Variants in DAG1 observed in about 807,000 individuals in gnomAD.
The protein encoded by DAG1 is dystroglycan 1 (dystrophin-associated glycoprotein 1).
DAG1 carries 8 observed loss-of-function variants against 46.1 expected under a neutral mutation model. That is an observed-to-expected ratio of 0.17 (90% confidence interval 0.10 to 0.31). The LOEUF is 0.31. Ranked by LOEUF, DAG1 falls within the 10% of genes least tolerant of loss-of-function variation. The probability of loss-of-function intolerance (pLI) is 1.00; values close to 1 mark genes in which losing one functional copy is unlikely to be tolerated. For synonymous variants in DAG1, 495 were observed against 481.8 expected, an observed-to-expected ratio of 1.03 and a Z score of -0.36; for missense variants, 1,003 against 1,189.9, an observed-to-expected ratio of 0.84 and a Z score of 2.31.
rs952005065 is a variant in DAG1, at chr3:49,533,109, A to G, written c.2598A>G (p.Pro866=). 3 of 1,613,716 alleles carry G rather than the reference A, an allele frequency of 1.9e-6. No homozygotes were observed. Among genetic ancestry groups the G allele is most frequent in the Non-Finnish European group, 2.5e-6 (3 of 1,179,922 alleles). The change falls in exon 3 of 3, where the codon CCA becomes CCG. Residue 866 remains proline (P), a synonymous_variant. Coordinates refer to ENST00000308775, the MANE Select transcript of DAG1 (RefSeq NM_004393.6). ...EDPNAPPYQP[P]PPFTAPMEGK... ...CCAATGCGCCTCCCTACCAGCCCCCACCGCCCTTCACAGCACCCATGGAGG... is the reference window on the plus strand; with the variant it reads ...CCAATGCGCCTCCCTACCAGCCCCCGCCGCCCTTCACAGCACCCATGGAGG...
intron 1 of DAG1, among the ~76,000 whole-genome samples, chr3:49,497,383 G>A (rs2050341723): frequency 6.7e-6 from 1 of 149,648 alleles, no homozygotes; most frequent in Non-Finnish European, 1.5e-5. Flanking sequence ...GTTGCAGTGA[G>A]CCGAGATTGT....
chr3:49,492,394 C>G (rs1432941121), intron 1 of DAG1, among the ~76,000 whole-genome samples: 2 of 152,120 alleles, frequency 1.3e-5, no homozygotes, highest in Admixed American at 6.6e-5. Context: ...TGCCTGTAAT[C>G]CCAGCATTTT....
At chr3:49,477,319 CTCTG>C (rs1316743672) in intron 1 of DAG1, among the ~76,000 whole-genome samples, 1 of 151,944 alleles carries the variant, frequency 6.6e-6, no homozygotes, top group Non-Finnish European at 1.5e-5. Context: ...GAGACAGGAT[CTCTG>C]TCTGTCACCC....
intron 1 of DAG1, among the ~76,000 whole-genome samples, chr3:49,478,324 C>G (rs1367068174): frequency 1.4e-5 from 2 of 146,648 alleles, no homozygotes; most frequent in Admixed American, 6.9e-5. Context: ...AAAAGGAGCC[C>G]GATCTCATGC....
chr3:49,478,776 A>G lies in DAG1; in HGVS notation c.-117+8343A>G, dbSNP rs919651911. Reference sequence around the variant, plus strand: ...AGACCCTGGCTCAAAAAATAAAAAAATGAAAAGTCTCTTGTCGTCCCCTCC... The same window carrying G: ...AGACCCTGGCTCAAAAAATAAAAAAGTGAAAAGTCTCTTGTCGTCCCCTCC... On this transcript the variant is annotated intron_variant, in intron 1 of 2. Transcript: ENST00000308775. Among the ~76,000 whole-genome samples, 15 of 145,192 alleles carry G rather than the reference A, an allele frequency of 1.0e-4. No homozygotes were observed. In the Admixed American group the frequency reaches 1.1e-3, roughly 10 times the overall value.
intron 1 of DAG1, among the ~76,000 whole-genome samples, chr3:49,479,610 G>C (rs1340233857): frequency 7.1e-6 from 1 of 140,588 alleles, no homozygotes; most frequent in East Asian, 2.1e-4. Flanking sequence ...CCCCTGCGCC[G>C]GCCTGAATAT....
intron 2 of DAG1, among the ~76,000 whole-genome samples, chr3:49,520,098 C>T (rs1167902770): frequency 6.6e-6 from 1 of 152,164 alleles, no homozygotes; most frequent in Non-Finnish European, 1.5e-5. Context: ...GCCGCATGTA[C>T]TTAACTTCCC....
In DAG1 at chr3:49,504,489, G is replaced by C. The variant is rs1346317050; in HGVS notation, c.-116-5930G>C. Reference sequence around the variant, plus strand: ...TGCATTGTTGTCAAAAATCACTTGGGTATATTTGTGTATGTCTATTTCTGG... The same window carrying C: ...TGCATTGTTGTCAAAAATCACTTGGCTATATTTGTGTATGTCTATTTCTGG... On this transcript the variant is annotated intron_variant, in intron 1 of 2. Coordinates refer to ENST00000308775, the MANE Select transcript of DAG1 (RefSeq NM_004393.6). Among the ~76,000 whole-genome samples the C allele has an allele frequency of 2.0e-5, 3 of 149,626 alleles. No individual in the cohort carries two copies. The South Asian group carries it at 6.3e-4, about 31-fold the overall frequency.
At chr3:49,480,169 G>T (rs1172497917) in intron 1 of DAG1, among the ~76,000 whole-genome samples, 2 of 143,498 alleles carry the variant, frequency 1.4e-5, no homozygotes, top group African/African-American at 5.2e-5. Context: ...GGTCAGGCTG[G>T]TCTCGAACTC....
chr3:49,522,323 C>T lies in DAG1; in HGVS notation c.286-8474C>T, dbSNP rs189420607. Among the ~76,000 whole-genome samples, 271 of 152,184 alleles carry T rather than the reference C, an allele frequency of 1.8e-3. 1 individual carries two copies. The highest frequency in any genetic ancestry group is 6.0e-3 in the African/African-American group (250 of 41,524). ...CTGGGATTACAGGCGTGAGCCACTG[C>T]GCCTGGCTTTTTTTTGTATTTTTAG... On this transcript the variant is annotated intron_variant, in intron 2 of 2. Coordinates refer to ENST00000308775, the MANE Select transcript of DAG1 (RefSeq NM_004393.6).
At chr3:49,485,556 AAAT>A (rs1284625786) in intron 1 of DAG1, among the ~76,000 whole-genome samples, 1 of 152,122 alleles carries the variant, frequency 6.6e-6, no homozygotes, top group African/African-American at 2.4e-5. Context: ...TCATTTTTGT[AAAT>A]AAATAATTTT....
Position 49,530,896 on chromosome 3 carries a change from C to A in DAG1, c.385C>A (p.His129Asn). 1 of 1,614,122 alleles carries A rather than the reference C, an allele frequency of 6.2e-7. No individual in the cohort carries two copies. The highest frequency in any genetic ancestry group is 8.5e-7 in the Non-Finnish European group (1 of 1,180,000). The change falls in exon 3 of 3, where the codon CAT (histidine) becomes AAT (asparagine). Residue 129 changes from histidine (H) to asparagine (N), a missense_variant. Around this residue, in one of 3 missense-constraint regions of DAG1, gnomAD observed 196 missense variants for 239.1 expected, o/e 0.82. Coordinates refer to ENST00000308775, the MANE Select transcript of DAG1 (RefSeq NM_004393.6). ...GLPLDTDKGVHYISVSATRLG... is the reference protein window; with the variant it reads ...GLPLDTDKGVNYISVSATRLG... ...CCCCCTTGACACTGATAAGGGTGTG[C>A]ATTACATTTCAGTGAGCGCTACACG... is the stretch of plus-strand genomic sequence containing the variant.
At chr3:49,482,374 G>A (rs1559549087) in intron 1 of DAG1, among the ~76,000 whole-genome samples, 4 of 152,182 alleles carry the variant, frequency 2.6e-5, no homozygotes, top group Non-Finnish European at 5.9e-5. Context: ...GCCGCTTGCA[G>A]TTGAGATAGA....
intron 1 of DAG1, chr3:49,492,872 T>C (rs1385834559): frequency 6.6e-6 from 1 of 151,962 alleles, no homozygotes; most frequent in Non-Finnish European, 1.5e-5. Context: ...CAGGCATGGA[T>C]TGACTCCTAC....
intron 2 of DAG1, among the ~76,000 whole-genome samples, chr3:49,526,806 C>G (rs2051184464): frequency 6.6e-6 from 1 of 152,206 alleles, no homozygotes; most frequent in South Asian, 2.1e-4. Context: ...TCTCCCATCT[C>G]CCAATTTGAA....
In DAG1 at chr3:49,532,877, C is replaced by T. The variant is rs1426926145; in HGVS notation, c.2366C>T (p.Ala789Val). 6 of 1,613,970 alleles carry T rather than the reference C, an allele frequency of 3.7e-6. No homozygotes were observed. The highest frequency in any genetic ancestry group is 5.1e-6 in the Non-Finnish European group (6 of 1,180,028). ...GGCAAGCTTACCCTTGAGGACCAGGCCACCTTCATCAAGAAGGGGGTGCCT... is the reference window on the plus strand; with the variant it reads ...GGCAAGCTTACCCTTGAGGACCAGGTCACCTTCATCAAGAAGGGGGTGCCT... Reference protein sequence around the residue: ...RKGKLTLEDQATFIKKGVPII... With the variant: ...RKGKLTLEDQVTFIKKGVPII... The change falls in exon 3 of 3, where the codon GCC becomes GTC. Residue 789 changes from alanine (A) to valine (V), a missense_variant. Transcript: ENST00000308775. This position sits in a 1 kb window ranked among gnomAD's most constrained non-coding sequence, Gnocchi z 5.4.
rs191509656 is a variant in DAG1 at position 49,514,551 on chromosome 3, A to G, written c.285+3732A>G. On this transcript the variant is annotated intron_variant, in intron 2 of 2. Transcript: ENST00000308775. ...AGTGGCACAGTCCCGGCTCACTGCA[A>G]CCTCCACCTCCCGGGTTCAAATGAT... Among the ~76,000 whole-genome samples, 417 of 152,034 alleles carry G rather than the reference A, an allele frequency of 2.7e-3. 4 individuals are homozygous for G. Among genetic ancestry groups the G allele is most frequent in the African/African-American group, 9.0e-3 (374 of 41,442 alleles).
chr3:49,529,199 AT>A (rs372445148), intron 2 of DAG1, among the ~76,000 whole-genome samples: 3 of 150,138 alleles, frequency 2.0e-5, no homozygotes, highest in Admixed American at 6.6e-5. Context: ...GTTAAAAAAA[AT>A]TTTTTTTTTG....
chr3:49,497,117 A>G (rs2050334166), intron 1 of DAG1, among the ~76,000 whole-genome samples: 1 of 150,962 alleles, frequency 6.6e-6, no homozygotes, highest in South Asian at 2.1e-4. Context: ...TGGGCAACAT[A>G]GTGAGACCCT....
Sources: gnomAD v4.1 joint callset for allele counts (sites outside exome capture counted in the v4.1 genomes callset) on GRCh38, gnomAD v4.1.1 for gene constraint, gnomAD v4.1.1 regional missense constraint, Gnocchi (gnomAD v3.1) non-coding constraint, MANE v1.5 for transcripts, NCBI Gene and HGNC (gene_info 2026-07-23, HGNC 2026-07-21) for gene names.